The following DNAI3 variants were observed in gnomAD, a reference collection of about 807,000 sequenced individuals.
DNAI3 encodes the protein WD repeat domain 63.
DNAI3 carries 83 observed loss-of-function variants against 115.5 expected under a neutral mutation model. That is an observed-to-expected ratio of 0.72 (90% CI 0.60 to 0.86). The LOEUF (loss-of-function observed/expected upper bound fraction) is 0.86. Ranked by LOEUF, DNAI3 falls within the 40% of genes least tolerant of loss-of-function variation. DNAI3 has a pLI of 0.00. For synonymous variants in DNAI3, 320 were observed against 347.0 expected, an observed-to-expected ratio of 0.92 and a Z score of 0.86; for missense variants, 1,004 against 1,075.8, an observed-to-expected ratio of 0.93 and a Z score of 0.93.
chr1:85,081,608 T>A (rs1654634909), intron 4 of DNAI3, among the ~76,000 whole-genome samples, 193 bp downstream of exon 4: 1 of 152,186 alleles, frequency 6.6e-6, no homozygotes, highest in African/African-American at 2.4e-5. Context: ...TGACTTGTTA[T>A]CTAATCCCAC....
chr1:85,098,818 C>G (rs1655203221), intron 13 of DNAI3, among the ~76,000 whole-genome samples, 160 bp downstream of exon 13: 1 of 152,186 alleles, frequency 6.6e-6, no homozygotes, highest in African/African-American at 2.4e-5. Flanking sequence ...AGACCAGTAT[C>G]TGAGTTGGAG....
intron 8 of DNAI3, among the ~76,000 whole-genome samples, chr1:85,090,727 A>G (rs1164908282): frequency 6.6e-6 from 1 of 152,190 alleles, no homozygotes; most frequent in Non-Finnish European, 1.5e-5. Flanking sequence ...TGGCTTTGAA[A>G]GAGAAGCATC....
At position 85,082,416 on chromosome 1, in the gene DNAI3, C is replaced by G. The variant is rs1157844869; in HGVS notation, c.390+12C>G. On this transcript the variant is annotated intron_variant, in intron 5 of 22. Coordinates refer to ENST00000294664, the MANE Select transcript of DNAI3 (RefSeq NM_145172.5). Reference sequence around the variant, plus strand: ...AAAACTATTTAAATGTGAGCAAACCCCAAGCCCTTGTAATTTGTTTGTTTT... The same window carrying G: ...AAAACTATTTAAATGTGAGCAAACCGCAAGCCCTTGTAATTTGTTTGTTTT... The G allele has an allele frequency of 6.3e-6, 10 of 1,592,020 alleles. No homozygotes were observed. The highest frequency in any genetic ancestry group is 4.3e-6 in the Non-Finnish European group (5 of 1,161,268).
Position 85,094,433 on chromosome 1 carries a change from C to G in DNAI3, c.1051C>G (p.Leu351Val). ...CVSWHPTIYG[L>V]IAVSVAVRLS... ...ATTTCTACATGTGTTTCCATCAGGG[C>G]TAATAGCTGTGTCGGTAGCCGTGCG... The change falls in exon 10 of 23, where the codon CTA becomes GTA. Residue 351 changes from leucine to valine, a missense_variant and splice_region_variant. Leu to Val is a conservative substitution (Grantham distance 32). Around this residue, in one of 3 missense-constraint regions of DNAI3, gnomAD observed 550 missense variants for 568.1 expected, o/e 0.97. Coordinates refer to ENST00000294664, the MANE Select transcript of DNAI3 (RefSeq NM_145172.5). 1 of 1,614,110 alleles carries G rather than the reference C, an allele frequency of 6.2e-7. No homozygotes were observed. Among genetic ancestry groups the G allele is most frequent in the Middle Eastern group, 1.6e-4 (1 of 6,062 alleles).
chr1:85,119,576 A>G (rs1383747206), intron 17 of DNAI3, among the ~76,000 whole-genome samples: 1 of 152,234 alleles, frequency 6.6e-6, no homozygotes. Flanking sequence ...ACAACTCAGT[A>G]CAACATGAAT....
At chr1:85,074,695 A>G (rs561934165) in intron 3 of DNAI3, among the ~76,000 whole-genome samples, 2 of 152,322 alleles carry the variant, frequency 1.3e-5, no homozygotes, top group South Asian at 4.1e-4. Context: ...AGTCCCTTTG[A>G]ATACTGAATT....
intron 22 of DNAI3, 126 bp downstream of exon 22, chr1:85,130,238 G>A (rs1009104397): frequency 2.1e-5 from 28 of 1,335,150 alleles, no homozygotes; most frequent in Middle Eastern, 2.7e-4. Context: ...GTTCTCATGA[G>A]AGTCAAGAGG....
At chr1:85,073,407 A>G (rs1654348041) in intron 3 of DNAI3, among the ~76,000 whole-genome samples, 1 of 152,172 alleles carries the variant, frequency 6.6e-6, no homozygotes, top group Non-Finnish European at 1.5e-5. Flanking sequence ...TATTTTTTCA[A>G]ACTTTTGCTC....
At chr1:85,085,585 T>A (rs553643211) in intron 6 of DNAI3, among the ~76,000 whole-genome samples, 1 of 152,298 alleles carries the variant, frequency 6.6e-6, no homozygotes, top group East Asian at 1.9e-4. Flanking sequence ...AGTCCACCAT[T>A]AGTCAAGATG....
At chr1:85,128,651 C>T in intron 20 of DNAI3, 57 bp from the exon 21 acceptor site, 1 of 1,438,878 alleles carries the variant, frequency 6.9e-7, no homozygotes, top group Admixed American at 1.8e-5. Flanking sequence ...TGTTTAACTG[C>T]TTAAGATGGT....
chr1:85,092,365 G>T (rs988279321), intron 8 of DNAI3, among the ~76,000 whole-genome samples: 9 of 152,108 alleles, frequency 5.9e-5, no homozygotes, highest in African/African-American at 2.2e-4. Flanking sequence ...TGTTTTTACT[G>T]TTTATATTGA....
intron 5 of DNAI3, 36 bp from the exon 6 acceptor site, chr1:85,084,510 G>T: frequency 7.6e-7 from 1 of 1,319,648 alleles, no homozygotes; most frequent in Non-Finnish European, 9.7e-7. Flanking sequence ...CCTAAACTTG[G>T]GCATACATTG....
chr1:85,118,363 C>T (rs4556376), intron 17 of DNAI3, among the ~76,000 whole-genome samples: 95,523 of 152,012 alleles, frequency 0.63, 31,403 homozygotes, highest in South Asian at 0.83. Flanking sequence ...GTGTCTGTGC[C>T]AAGTTATTTT....
chr1:85,069,229 C>A lies in DNAI3; in HGVS notation c.-14-2699C>A, dbSNP rs150666217. On this transcript the variant is annotated intron_variant, in intron 1 of 22. Coordinates refer to ENST00000294664, the MANE Select transcript of DNAI3 (RefSeq NM_145172.5). ...ATGATCCTTCCCCAGAACCTTTAAA[C>A]ATACTGTTCCCTCCACCTGAAAATA... Among the ~76,000 whole-genome samples, 27 of 152,298 alleles carry A rather than the reference C, an allele frequency of 1.8e-4. No individual in the cohort carries two copies. In the East Asian group the frequency reaches 5.0e-3, roughly 28 times the overall value.
chr1:85,126,400 T>C, intron 19 of DNAI3, 111 bp from the exon 20 acceptor site: 1 of 1,121,620 alleles, frequency 8.9e-7, no homozygotes, highest in Non-Finnish European at 1.2e-6. Context: ...CATAATTTTG[T>C]TGTTATATGA....
chr1:85,116,795 T>C (rs1655831590), intron 16 of DNAI3, among the ~76,000 whole-genome samples: 1 of 152,206 alleles, frequency 6.6e-6, no homozygotes, highest in Admixed American at 6.5e-5. Context: ...TGGTTCATTT[T>C]GATACTCGTT....
chr1:85,094,388 T>C (rs2100581903), intron 9 of DNAI3, 43 bp from the exon 10 acceptor site: 2 of 1,612,288 alleles, frequency 1.2e-6, no homozygotes, highest in East Asian at 4.5e-5. Flanking sequence ...TCTCTCCATG[T>C]ATAGTTGCTG....
Position 85,081,377 on chromosome 1 carries a change from G to T in DNAI3, c.247G>T (p.Ala83Ser). The T allele has an allele frequency of 6.3e-7, 1 of 1,589,634 alleles. No homozygotes were observed. Among genetic ancestry groups the T allele is most frequent in the Non-Finnish European group, 8.5e-7 (1 of 1,172,638 alleles). ...TTTTGAGGACCTGCGCAACAGAGCT[G>T]CAGTATCTGATTTCCACCCAGTCAA... is the stretch of plus-strand genomic sequence containing the variant. Reference protein sequence around the residue: ...DIFEDLRNRAAVSDFHPVKKI... With the variant: ...DIFEDLRNRASVSDFHPVKKI... Residue 83 changes from alanine (A) to serine (S), a missense_variant, in exon 4 of 23, where the codon GCA becomes TCA. Ala to Ser is a moderately conservative substitution (Grantham distance 99, BLOSUM62 1). Around this residue, in one of 3 missense-constraint regions of DNAI3, gnomAD observed 550 missense variants for 568.1 expected, o/e 0.97. Transcript: ENST00000294664.
At chr1:85,093,871 G>T in intron 9 of DNAI3, 1 of 656,102 alleles carries the variant, frequency 1.5e-6, no homozygotes, top group South Asian at 1.5e-5. Context: ...ACAACAAAAG[G>T]ACCCAAGCTC....
Sources: allele counts gnomAD v4.1 joint callset (sites outside exome capture counted in the v4.1 genomes callset), GRCh38; gene constraint gnomAD v4.1.1; regional missense constraint gnomAD v4.1.1; transcripts MANE v1.5; gene names NCBI Gene and HGNC (gene_info 2026-07-23, HGNC 2026-07-21).